The following OPHN1 variants were observed in gnomAD, a reference collection of about 807,000 sequenced individuals.
OPHN1 encodes oligophrenin-1.
In OPHN1, 11 loss-of-function variants were observed where a neutral mutation model predicts 60.7. That is an observed-to-expected ratio of 0.18 (90% confidence interval 0.11 to 0.30). The LOEUF (loss-of-function observed/expected upper bound fraction) is 0.30, where lower values mean the gene tolerates loss of function less well. OPHN1 is among the 10% of genes least tolerant of loss of function. The pLI, the probability that OPHN1 is intolerant of heterozygous loss-of-function variation, is 1.00. For synonymous variants in OPHN1, 226 were observed against 222.6 expected, an observed-to-expected ratio of 1.02 and a Z score of -0.14; for missense variants, 449 against 611.0, an observed-to-expected ratio of 0.73 and a Z score of 2.80.
chrX:68,166,140 G>A (rs1233613602), intron 15 of OPHN1, among the ~76,000 whole-genome samples: 1 of 112,307 alleles, frequency 8.9e-6, no homozygotes, highest in African/African-American at 3.2e-5. Context: ...CAGATGTTGG[G>A]TTAGGCAAAG....
intron 19 of OPHN1, among the ~76,000 whole-genome samples, chrX:68,091,698 C>A (rs2077019035): frequency 9.0e-6 from 1 of 111,192 alleles, no homozygotes. Context: ...CTAAGAACCG[C>A]CTTCAGAGAT....
chrX:68,374,976 C>T (rs958526486), intron 2 of OPHN1, among the ~76,000 whole-genome samples: 1 of 111,812 alleles, frequency 8.9e-6, no homozygotes, highest in Non-Finnish European at 1.9e-5. Context: ...CCATGTGCTG[C>T]CAAGGATAGA....
chrX:68,239,171 C>A (rs1569254702), intron 5 of OPHN1, among the ~76,000 whole-genome samples: 1 of 111,067 alleles, frequency 9.0e-6, no homozygotes, highest in East Asian at 2.9e-4. Context: ...CCGCCCTCGG[C>A]TGAACTCAGC....
chrX:68,362,063 G>C (rs899953700), intron 2 of OPHN1, among the ~76,000 whole-genome samples: 1 of 111,742 alleles, frequency 8.9e-6, no homozygotes, highest in Non-Finnish European at 1.9e-5. Flanking sequence ...TTTAAATCAG[G>C]TTATTCATTT....
chrX:68,194,865 G>A (rs2077504018), intron 12 of OPHN1, among the ~76,000 whole-genome samples: 1 of 109,255 alleles, frequency 9.2e-6, no homozygotes, highest in African/African-American at 3.3e-5. Flanking sequence ...CTGTTTGGGA[G>A]GTTGAGTCAG....
At chrX:68,425,765 T>A (rs948986054) in intron 2 of OPHN1, among the ~76,000 whole-genome samples, 8 of 72,767 alleles carry the variant, frequency 1.1e-4, no homozygotes, top group Admixed American at 9.0e-4. Flanking sequence ...ATCTTTTGGA[T>A]TTTTTTTTTT....
chrX:68,415,095 T>A (rs2078787571), intron 2 of OPHN1, among the ~76,000 whole-genome samples: 1 of 111,530 alleles, frequency 9.0e-6, no homozygotes, highest in Non-Finnish European at 1.9e-5. Context: ...TTGGCTGATT[T>A]AGGTGGCTAG....
At position 68,234,608 on chromosome X, in the gene OPHN1, G is replaced by C. The variant is rs376939072; in HGVS notation, c.385-20C>G. 1.3e-5 allele frequency: 14 copies of C among 1,074,297 alleles called. No individual in the cohort carries two copies. In the Middle Eastern group the frequency reaches 7.5e-4, roughly 57 times the overall value. The allele number at this position is 1,074,297 out of a possible 1,213,427, so 88.5% of individuals were successfully genotyped here. On this transcript the variant is annotated intron_variant, in intron 5 of 24. Coordinates refer to ENST00000355520, the MANE Select transcript of OPHN1 (RefSeq NM_002547.3). ...CCGCTCCTAAAGGTGGGAAAGAAGG[G>C]CAAAGATTAAATGTCTGTAGTTGTA...
At chrX:68,296,974 G>A (rs2078098847) in intron 3 of OPHN1, among the ~76,000 whole-genome samples, 1 of 110,816 alleles carries the variant, frequency 9.0e-6, no homozygotes, top group African/African-American at 3.3e-5. Flanking sequence ...CATTTGCAGT[G>A]AGGTTCATGG....
intron 15 of OPHN1, among the ~76,000 whole-genome samples, chrX:68,121,490 C>T (rs2077150423): frequency 9.0e-6 from 1 of 111,613 alleles, no homozygotes. Flanking sequence ...ACAACCCACA[C>T]AGGGAGCATT....
intron 2 of OPHN1, among the ~76,000 whole-genome samples, chrX:68,374,634 G>A (rs932859853): frequency 1.8e-5 from 2 of 110,127 alleles, no homozygotes; most frequent in African/African-American, 3.3e-5. Flanking sequence ...TTCATAAGAC[G>A]ATTTTAGAAA....
intron 18 of OPHN1, among the ~76,000 whole-genome samples, chrX:68,110,442 GTCAC>G (rs1294888520): frequency 1.8e-5 from 2 of 111,522 alleles, no homozygotes; most frequent in Admixed American, 1.9e-4. Context: ...CTTGGGTCTC[GTCAC>G]ATGTTGAGAC....
rs2078740123 is a variant in OPHN1, at chrX:68,405,865, T to C, written c.154+27002A>G. On this transcript the variant is annotated intron_variant, in intron 2 of 24. Transcript: ENST00000355520. The stretch of plus-strand genomic sequence containing the variant: ...GATATTATATAAAGGGCAATGAGGC[T>C]GGGCGTAGTGGCGCACACCTATAAT... Among the ~76,000 whole-genome samples the C allele has an allele frequency of 4.5e-5, 5 of 111,494 alleles. No homozygotes were observed. In the Admixed American group the frequency reaches 4.8e-4, roughly 11 times the overall value.
chrX:68,125,954 T>TATATATATATATATATATATATATAC (rs1262640434), intron 15 of OPHN1, among the ~76,000 whole-genome samples: 741 of 55,536 alleles, frequency 0.013, 144 homozygotes, highest in Non-Finnish European at 0.02. Flanking sequence ...TATATATATA[T>TATATATATATATATATATATATATAC]ATACATACAC....
At chrX:68,266,970 A>G (rs930559947) in intron 5 of OPHN1, among the ~76,000 whole-genome samples, 5 of 112,004 alleles carry the variant, frequency 4.5e-5, no homozygotes, top group African/African-American at 1.6e-4. Context: ...TTTAACAAGA[A>G]GAGCTAACTA....
At chrX:68,337,988 T>C (rs1231932811) in intron 2 of OPHN1, among the ~76,000 whole-genome samples, 4 of 111,571 alleles carry the variant, frequency 3.6e-5, no homozygotes, top group African/African-American at 6.5e-5. Flanking sequence ...ACAATAGACA[T>C]TGAAGAATTC....
At chrX:68,411,082 T>C (rs767402680) in intron 2 of OPHN1, among the ~76,000 whole-genome samples, 26 of 111,884 alleles carry the variant, frequency 2.3e-4, no homozygotes, top group Non-Finnish European at 4.3e-4. Context: ...AATTTATTAA[T>C]GTGCACAGGA....
At chrX:68,198,472 T>C (rs2077521795) in intron 11 of OPHN1, among the ~76,000 whole-genome samples, 1 of 111,777 alleles carries the variant, frequency 8.9e-6, no homozygotes, top group Non-Finnish European at 1.9e-5. Context: ...ACATCACAAA[T>C]GGACTAAGAC....
Position 68,433,200 on chromosome X carries a change from T to G in OPHN1, c.-37A>C. ...AGTGAGACTCCTGAGGAGCGCTGGC[T>G]GGTCCGGACAGAGAACAGGCGCCCC... On this transcript the variant is annotated 5_prime_UTR_variant, in exon 1 of 25. Coordinates refer to ENST00000355520, the MANE Select transcript of OPHN1 (RefSeq NM_002547.3). 1 of 473,034 alleles carries G rather than the reference T, an allele frequency of 2.1e-6. No individual in the cohort carries two copies. The highest frequency in any genetic ancestry group is 3.5e-6 in the Non-Finnish European group (1 of 288,503). 39.0% of individuals were successfully genotyped at this position (473,034 alleles called of 1,213,427 possible). A position where few individuals can be genotyped will look rare whatever the true frequency, so the allele number is the denominator to read the frequency against.
Sources: allele counts gnomAD v4.1 joint callset (sites outside exome capture counted in the v4.1 genomes callset), GRCh38; gene constraint gnomAD v4.1.1; transcripts MANE v1.5; gene names NCBI Gene and HGNC (gene_info 2026-07-23, HGNC 2026-07-21).